Variants in POU4F1 observed in about 807,000 individuals in gnomAD.
The protein encoded by POU4F1 is POU class 4 homeobox 1, also known as POU domain, class 4, transcription factor 1.
In POU4F1, 5 loss-of-function variants were observed where a neutral mutation model predicts 19.8. The ratio of observed to expected loss-of-function variants is 0.25; its 90% CI spans 0.13 to 0.53. POU4F1 has a LOEUF of 0.53. POU4F1 is among the 20% of genes least tolerant of loss of function. The pLI, the probability that POU4F1 is intolerant of heterozygous loss-of-function variation, is 0.96. For synonymous variants in POU4F1, 266 were observed against 247.7 expected (o/e 1.07, Z -0.69); for missense variants, 408 against 511.6 (o/e 0.80, Z 1.95).
In POU4F1 at chr13:78,599,068, C is replaced by T. The variant is rs1223816354; in HGVS notation, c.*2347G>A. The T allele has an allele frequency of 6.6e-6, 1 of 152,346 alleles. No homozygotes were observed. The highest frequency in any genetic ancestry group is 6.5e-5 in the Admixed American group (1 of 15,290). The allele number at this position is 152,346 out of a possible 1,614,324, so 9.4% of individuals were successfully genotyped here. A position where few individuals can be genotyped will look rare whatever the true frequency, so the allele number is the denominator to read the frequency against. ...TTTTGTCCCCCTTCAACACCCTACC[C>T]TCCCCCCATTTCTTTGTGTTTTCTT... is the stretch of plus-strand genomic sequence containing the variant. On this transcript the variant is annotated 3_prime_UTR_variant, in exon 2 of 2. Transcript: ENST00000377208.
intron 1 of POU4F1, 114 bp from the exon 2 acceptor site, chr13:78,602,665 A>C: frequency 3.5e-6 from 4 of 1,138,940 alleles, no homozygotes; most frequent in Non-Finnish European, 4.5e-6. Context: ...GGCAAACACA[A>C]AGCAACCAAA....
chr13:78,601,572 C>T lies in POU4F1; in HGVS notation c.1103G>A (p.Arg368His), dbSNP rs1363608076. 3.7e-6 allele frequency: 6 copies of T among 1,613,832 alleles called. No individual in the cohort carries two copies. The highest frequency in any genetic ancestry group is 5.1e-6 in the Non-Finnish European group (6 of 1,180,034). Reference protein sequence around the residue: ...KRTSIAAPEKRSLEAYFAVQP... With the variant: ...KRTSIAAPEKHSLEAYFAVQP... ...CACGGCGAAGTAGGCCTCGAGGGAG[C>T]GCTTCTCGGGCGCGGCGATGGAAGT... The change falls in exon 2 of 2, where the codon CGC becomes CAC. Residue 368 changes from arginine to histidine, a missense_variant. By Grantham distance (29) the Arg-to-His change is conservative (BLOSUM62 0). Coordinates refer to ENST00000377208, the MANE Select transcript of POU4F1 (RefSeq NM_006237.4).
At position 78,602,027 on chromosome 13, in the gene POU4F1, G is replaced by T; in HGVS notation, c.648C>A (p.His216Gln). The T allele has an allele frequency of 1.3e-6, 1 of 757,742 alleles. No homozygotes were observed. The highest frequency in any genetic ancestry group is 1.6e-6 in the Non-Finnish European group (1 of 625,802). The allele number at this position is 757,742 out of a possible 1,614,324, so 46.9% of individuals were successfully genotyped here. A position where few individuals can be genotyped will look rare whatever the true frequency, so the allele number is the denominator to read the frequency against. The change falls in exon 2 of 2, where the codon CAC (histidine) becomes CAA (glutamine). Residue 216 changes from histidine (H) to glutamine (Q), a missense_variant. Physicochemically the swap from His to Gln is conservative, Grantham distance 24. This residue lies in a region of POU4F1 where 294 missense variants were observed against 288.2 expected (regional missense o/e 1.02). Coordinates refer to ENST00000377208, the MANE Select transcript of POU4F1 (RefSeq NM_006237.4). The stretch of plus-strand genomic sequence containing the variant: ...GCGCCGCCGCCGCCACCAGCCCGGG[G>T]TGCGGCAGCCCGGACGGCATGTTCA... ...AAMNMPSGLP[H>Q]PGLVAAAAHH...
chr13:78,603,331 G>A lies in POU4F1; in HGVS notation c.-5C>T. On this transcript the variant is annotated 5_prime_UTR_variant, in exon 1 of 2. Coordinates refer to ENST00000377208, the MANE Select transcript of POU4F1 (RefSeq NM_006237.4). ...CTTGCTGTTCATGGACATCATCGTG[G>A]CGGCTTGGCATGTATATCCACAAAC... The A allele has an allele frequency of 6.3e-7, 1 of 1,576,098 alleles. No homozygotes were observed. The highest frequency in any genetic ancestry group is 8.6e-7 in the Non-Finnish European group (1 of 1,162,048).
rs1874695761 is a variant in POU4F1, at chr13:78,601,532, C to A, written c.1143G>T (p.Ser381=). ...CGGCGATGGCGGCGATCTTCTCGGACGAGGGCCGGGGCTGCACGGCGAAGT... is the reference window on the plus strand; with the variant it reads ...CGGCGATGGCGGCGATCTTCTCGGAAGAGGGCCGGGGCTGCACGGCGAAGT... The part of the protein sequence containing the change: ...EAYFAVQPRP[S]SEKIAAIAEK... Residue 381 remains serine (S), a synonymous_variant, in exon 2 of 2, where the codon TCG becomes TCT. Coordinates refer to ENST00000377208, the MANE Select transcript of POU4F1 (RefSeq NM_006237.4). 1 of 1,613,858 alleles carries A rather than the reference C, an allele frequency of 6.2e-7. No homozygotes were observed. The highest frequency in any genetic ancestry group is 1.3e-5 in the African/African-American group (1 of 74,944).
Position 78,603,349 on chromosome 13 carries a change from C to G in POU4F1, c.-23G>C. On this transcript the variant is annotated 5_prime_UTR_variant, in exon 1 of 2. Transcript: ENST00000377208. The stretch of plus-strand genomic sequence containing the variant: ...CATCGTGGCGGCTTGGCATGTATAT[C>G]CACAAACACTCCGAAAGTCCGCGGG... The G allele has an allele frequency of 6.4e-7, 1 of 1,562,346 alleles. No individual in the cohort carries two copies. The highest frequency in any genetic ancestry group is 8.7e-7 in the Non-Finnish European group (1 of 1,155,448).
At chr13:78,602,826 G>A (rs1295204462) in intron 1 of POU4F1, among the ~76,000 whole-genome samples, 1 of 152,078 alleles carries the variant, frequency 6.6e-6, no homozygotes, top group Admixed American at 6.6e-5. Flanking sequence ...TTCCGGAAAC[G>A]GGCGTGGGAG....
rs1407975725 is a variant in POU4F1, at chr13:78,603,390, G to A, written c.-64C>T. On this transcript the variant is annotated 5_prime_UTR_variant, in exon 1 of 2. Coordinates refer to ENST00000377208, the MANE Select transcript of POU4F1 (RefSeq NM_006237.4). ...AGTCCGCGGGAAAGTGCGTACGCCG[G>A]CTCACCCGGCCTCCCTTCGGAGGCT... The A allele has an allele frequency of 7.9e-6, 12 of 1,520,254 alleles. No individual in the cohort carries two copies. Among genetic ancestry groups the A allele is most frequent in the African/African-American group, 1.4e-5 (1 of 69,432 alleles). The allele number at this position is 1,520,254 out of a possible 1,614,324, so 94.2% of individuals were successfully genotyped here.
At position 78,601,287 on chromosome 13, in the gene POU4F1, G is replaced by A. The variant is rs561949556; in HGVS notation, c.*128C>T. The stretch of plus-strand genomic sequence containing the variant: ...AGAATGGGTGGAGGAAAGAGAGCGA[G>A]AAGGGACTCCCCAAATGCAGGCAGG... On this transcript the variant is annotated 3_prime_UTR_variant, in exon 2 of 2. Transcript: ENST00000377208. 1.4e-4 allele frequency: 199 copies of A among 1,430,142 alleles called. No homozygotes were observed. In the South Asian group the frequency reaches 2.4e-3, roughly 17 times the overall value. The allele number at this position is 1,430,142 out of a possible 1,614,324, so 88.6% of individuals were successfully genotyped here. A position where few individuals can be genotyped will look rare whatever the true frequency, so the allele number is the denominator to read the frequency against.
chr13:78,603,523 G>T lies in POU4F1; in HGVS notation c.-197C>A. On this transcript the variant is annotated 5_prime_UTR_variant, in exon 1 of 2. Coordinates refer to ENST00000377208, the MANE Select transcript of POU4F1 (RefSeq NM_006237.4). ...TGACCGCGCAGAGCGCCGCGCGCCG[G>T]CCTCGCGGTCCCGCTTCTCCGACAG... 2 of 848,256 alleles carry T rather than the reference G, an allele frequency of 2.4e-6. No homozygotes were observed. Among genetic ancestry groups the T allele is most frequent in the Non-Finnish European group, 3.0e-6 (2 of 665,054 alleles). 52.5% of individuals were successfully genotyped at this position (848,256 alleles called of 1,614,324 possible).
At position 78,600,638 on chromosome 13, in the gene POU4F1, C is replaced by G. The variant is rs1284561878; in HGVS notation, c.*777G>C. The stretch of plus-strand genomic sequence containing the variant: ...TTTTCAGCTGTGCTCCCACTCACTT[C>G]CCGGGATTGGAGAGCAGCCATAGGC... On this transcript the variant is annotated 3_prime_UTR_variant, in exon 2 of 2. Transcript: ENST00000377208. 6.6e-6 allele frequency: 1 copy of G among 152,208 alleles called. No individual in the cohort carries two copies. Among genetic ancestry groups the G allele is most frequent in the African/African-American group, 2.4e-5 (1 of 41,408 alleles). 9.4% of individuals were successfully genotyped at this position (152,208 alleles called of 1,614,324 possible). A position where few individuals can be genotyped will look rare whatever the true frequency, so the allele number is the denominator to read the frequency against.
chr13:78,603,133 C>A, intron 1 of POU4F1, 71 bp downstream of exon 1: 1 of 1,220,886 alleles, frequency 8.2e-7, no homozygotes, highest in East Asian at 3.2e-5. Flanking sequence ...ACACCAGCCC[C>A]CGACATGCAG....
rs2137403158 is a variant in POU4F1 at position 78,601,993 on chromosome 13, C to G, written c.682G>C (p.Ala228Pro). The change falls in exon 2 of 2, where the codon GCG becomes CCG. Residue 228 changes from alanine (A) to proline (P), a missense_variant. Around this residue, in one of 4 missense-constraint regions of POU4F1, gnomAD observed 294 missense variants for 288.2 expected, o/e 1.02. Transcript: ENST00000377208. ...GCCGCCGCCGCCGCTGCCGCTGCCG[C>G]GCCGTGGTGCGCCGCCGCCGCCACC... ...GLVAAAAHHG[A>P]AAAAAAAAAG... The G allele has an allele frequency of 3.2e-6, 3 of 930,758 alleles. No homozygotes were observed. Among genetic ancestry groups the G allele is most frequent in the East Asian group, 2.3e-4 (2 of 8,586 alleles). 57.7% of individuals were successfully genotyped at this position (930,758 alleles called of 1,614,324 possible).
Position 78,601,540 on chromosome 13 carries a change from G to A in POU4F1, c.1135C>T (p.Arg379Trp). ...SLEAYFAVQP[R>W]PSSEKIAAIA... is the part of the protein sequence containing the mutation. The stretch of plus-strand genomic sequence containing the variant: ...GCGGCGATCTTCTCGGACGAGGGCC[G>A]GGGCTGCACGGCGAAGTAGGCCTCG... The change falls in exon 2 of 2, where the codon CGG becomes TGG. Residue 379 changes from arginine (R) to tryptophan (W), a missense_variant. Transcript: ENST00000377208. The A allele has an allele frequency of 6.2e-7, 1 of 1,613,912 alleles. No individual in the cohort carries two copies. Among genetic ancestry groups the A allele is most frequent in the Non-Finnish European group, 8.5e-7 (1 of 1,180,038 alleles).
In POU4F1 at chr13:78,601,522, T is replaced by A; in HGVS notation, c.1153A>T (p.Ile385Phe). 6.2e-7 allele frequency: 1 copy of A among 1,613,962 alleles called. No homozygotes were observed. Among genetic ancestry groups the A allele is most frequent in the Non-Finnish European group, 8.5e-7 (1 of 1,180,032 alleles). The change falls in exon 2 of 2, where the codon ATC becomes TTC. Residue 385 changes from isoleucine (I) to phenylalanine (F), a missense_variant. By Grantham distance (21) the Ile-to-Phe change is conservative. Coordinates refer to ENST00000377208, the MANE Select transcript of POU4F1 (RefSeq NM_006237.4). ...AVQPRPSSEK[I>F]AAIAEKLDLK... ...TCCAGTTTCTCGGCGATGGCGGCGA[T>A]CTTCTCGGACGAGGGCCGGGGCTGC...
In POU4F1 at chr13:78,598,693, A is replaced by C. The variant is rs553878247; in HGVS notation, c.*2722T>G. ...ACCAAGAAATAGAGGCTCTCTAGTCACTGTGGAGCAGTAGGTGGCACACTA... is the reference window on the plus strand; with the variant it reads ...ACCAAGAAATAGAGGCTCTCTAGTCCCTGTGGAGCAGTAGGTGGCACACTA... On this transcript the variant is annotated 3_prime_UTR_variant, in exon 2 of 2. Transcript: ENST00000377208. 1.8e-4 allele frequency: 27 copies of C among 152,326 alleles called. No homozygotes were observed. The highest frequency in any genetic ancestry group is 6.0e-4 in the African/African-American group (25 of 41,580). The allele number at this position is 152,326 out of a possible 1,614,324, so 9.4% of individuals were successfully genotyped here. A position where few individuals can be genotyped will look rare whatever the true frequency, so the allele number is the denominator to read the frequency against.
At position 78,600,601 on chromosome 13, in the gene POU4F1, CCT is replaced by C. The variant is rs879697833; in HGVS notation, c.*812_*813del. 3 of 152,516 alleles carry C rather than the reference CCT, an allele frequency of 2.0e-5. No homozygotes were observed. Among genetic ancestry groups the C allele is most frequent in the Admixed American group, 1.3e-4 (2 of 15,298 alleles). 9.4% of individuals were successfully genotyped at this position (152,516 alleles called of 1,614,324 possible). The stretch of plus-strand genomic sequence containing the variant: ...CACCTAAGCAAGCAGCCAGCCTCCC[CCT>C]GACCCTCTCTTTTCAGCTGTGCTCC... On this transcript the variant is annotated 3_prime_UTR_variant, in exon 2 of 2. Coordinates refer to ENST00000377208, the MANE Select transcript of POU4F1 (RefSeq NM_006237.4).
rs1433565912 is a variant in POU4F1 at position 78,601,996 on chromosome 13, C to T, written c.679G>A (p.Gly227Ser). 57 of 931,276 alleles carry T rather than the reference C, an allele frequency of 6.1e-5. No individual in the cohort carries two copies. Among genetic ancestry groups the T allele is most frequent in the Non-Finnish European group, 7.0e-5 (55 of 783,494 alleles). 57.7% of individuals were successfully genotyped at this position (931,276 alleles called of 1,614,324 possible). ...PGLVAAAAHH[G>S]AAAAAAAAAA... is the part of the protein sequence containing the mutation. ...GCCGCCGCCGCTGCCGCTGCCGCGC[C>T]GTGGTGCGCCGCCGCCGCCACCAGC... is the stretch of plus-strand genomic sequence containing the variant. Residue 227 changes from glycine (G) to serine (S), a missense_variant, in exon 2 of 2, where the codon GGC becomes AGC. By Grantham distance (56) the Gly-to-Ser change is moderately conservative (BLOSUM62 0). This residue lies in a region of POU4F1 where 294 missense variants were observed against 288.2 expected (regional missense o/e 1.02). Coordinates refer to ENST00000377208, the MANE Select transcript of POU4F1 (RefSeq NM_006237.4).
At chr13:78,602,793 A>T (rs1037470038) in intron 1 of POU4F1, among the ~76,000 whole-genome samples, 11 of 144,154 alleles carry the variant, frequency 7.6e-5, no homozygotes, top group African/African-American at 2.8e-4. Context: ...AGAAGTAGGG[A>T]GAAAGGGGGA....
Sources: allele counts gnomAD v4.1 joint callset (sites outside exome capture counted in the v4.1 genomes callset), GRCh38; gene constraint gnomAD v4.1.1; regional missense constraint gnomAD v4.1.1; transcripts MANE v1.5; gene names NCBI Gene and HGNC (gene_info 2026-07-23, HGNC 2026-07-21).